NDUFA5: variants seen among roughly 807,000 people sequenced by gnomAD.
NDUFA5 encodes NADH:ubiquinone oxidoreductase subunit A5.
Under a neutral mutation model 19.8 loss-of-function variants are expected in NDUFA5, and 11 were observed. The ratio of observed to expected loss-of-function variants is 0.56; its 90% CI spans 0.35 to 0.92. The LOEUF is 0.92. Among genes scored for constraint, NDUFA5 ranks in the 40% least tolerant of loss-of-function variants. The pLI is 0.01. For synonymous variants in NDUFA5, 47 were observed against 46.8 expected, an observed-to-expected ratio of 1.00 and a Z score of -0.01; for missense variants, 109 against 134.2, an observed-to-expected ratio of 0.81 and a Z score of 0.93.
chr7:123,589,770 C>T, the NDUFA5 span, among the ~76,000 whole-genome samples: 9 of 152,192 alleles, frequency 5.9e-5, no homozygotes, highest in Admixed American at 5.9e-4. Context: ...AAGAGGGCCA[C>T]AATAAACATA....
intron 2 of NDUFA5, chr7:123,556,869 T>A (rs774631350): frequency 7.8e-6 from 4 of 513,138 alleles, no homozygotes; most frequent in Non-Finnish European, 1.5e-5. Flanking sequence ...AGAAAGAAAT[T>A]GGAGAAAATA....
the NDUFA5 span, among the ~76,000 whole-genome samples, chr7:123,574,171 A>G: frequency 1.3e-5 from 2 of 151,138 alleles, no homozygotes; most frequent in African/African-American, 2.4e-5. Flanking sequence ...CTTTTTTTAT[A>G]TAAAATTGAT....
the NDUFA5 span, among the ~76,000 whole-genome samples, chr7:123,575,751 T>C: frequency 1.3e-5 from 2 of 151,888 alleles, no homozygotes; most frequent in Non-Finnish European, 2.9e-5. Context: ...TGGAAAAATA[T>C]TTTGTTAGAT....
chr7:123,564,151 A>T, the NDUFA5 span, among the ~76,000 whole-genome samples: 9 of 152,228 alleles, frequency 5.9e-5, no homozygotes, highest in African/African-American at 2.2e-4. Flanking sequence ...TAAAACAACA[A>T]CAAGAAAAGA....
chr7:123,578,965 T>C, the NDUFA5 span, among the ~76,000 whole-genome samples: 1 of 152,062 alleles, frequency 6.6e-6, no homozygotes, highest in Admixed American at 6.6e-5. Flanking sequence ...ACATGGATAT[T>C]GTATAATGCT....
At chr7:123,554,349 G>A (rs968155598) in intron 2 of NDUFA5, among the ~76,000 whole-genome samples, 2 of 151,936 alleles carry the variant, frequency 1.3e-5, no homozygotes, top group Admixed American at 6.6e-5. Context: ...TTTAAGGCTC[G>A]CATTATGTTT....
chr7:123,584,229 T>C, the NDUFA5 span, among the ~76,000 whole-genome samples: 4 of 143,972 alleles, frequency 2.8e-5, no homozygotes, highest in Non-Finnish European at 4.5e-5. Flanking sequence ...GGAGGATCAC[T>C]GAAGCCCAGG....
At chr7:123,553,056 G>A (rs1377306885) in intron 2 of NDUFA5, among the ~76,000 whole-genome samples, 1 of 152,190 alleles carries the variant, frequency 6.6e-6, no homozygotes, top group Non-Finnish European at 1.5e-5. Flanking sequence ...GCCCCAGACA[G>A]TCGCTACCCG....
At chr7:123,551,855 TAA>T (rs1271158553) in intron 2 of NDUFA5, among the ~76,000 whole-genome samples, 5 of 152,320 alleles carry the variant, frequency 3.3e-5, no homozygotes, top group Admixed American at 6.5e-5. Flanking sequence ...GCATTTTAAT[TAA>T]GTTTTAATAT....
chr7:123,572,051 G>A, the NDUFA5 span, among the ~76,000 whole-genome samples: 2 of 149,836 alleles, frequency 1.3e-5, no homozygotes, highest in South Asian at 4.3e-4. Flanking sequence ...GTTTCCCAAA[G>A]CACTGGGTTT....
the NDUFA5 span, among the ~76,000 whole-genome samples, chr7:123,571,618 A>T: frequency 3.3e-4 from 51 of 152,372 alleles, 1 homozygote; most frequent in African/African-American, 1.2e-3. Flanking sequence ...CAAAAAATAT[A>T]AACAGTTAAG....
In NDUFA5 at chr7:123,557,653, G is replaced by C. The variant is rs762802847; in HGVS notation, c.21+122C>G. On this transcript the variant is annotated intron_variant, in intron 1 of 4. Coordinates refer to ENST00000355749, the MANE Select transcript of NDUFA5 (RefSeq NM_005000.5). The stretch of plus-strand genomic sequence containing the variant: ...CCCTACCCGGTAAGGCATGCAGAAC[G>C]AGTCCCCGAAAAGCACCGCCGAGCC... 5 of 1,613,792 alleles carry C rather than the reference G, an allele frequency of 3.1e-6. No individual in the cohort carries two copies. The East Asian group carries it at 1.1e-4, about 36-fold the overall frequency.
chr7:123,587,330 T>C, the NDUFA5 span, among the ~76,000 whole-genome samples: 82 of 151,836 alleles, frequency 5.4e-4, no homozygotes, highest in Admixed American at 1.2e-3. Context: ...TTTATTAAAA[T>C]TTATTTTTCT....
At chr7:123,548,800 T>C (rs1798227929) in intron 3 of NDUFA5, among the ~76,000 whole-genome samples, 1 of 152,080 alleles carries the variant, frequency 6.6e-6, no homozygotes, top group Non-Finnish European at 1.5e-5. Context: ...ACATAAATCC[T>C]TAAACTCAGC....
At chr7:123,582,799 C>T in the NDUFA5 span, among the ~76,000 whole-genome samples, 294 of 152,038 alleles carry the variant, frequency 1.9e-3, 2 homozygotes, top group African/African-American at 6.8e-3. Context: ...GTAAGAACTG[C>T]CTTCTTTAAC....
At position 123,537,113 on chromosome 7, in the gene NDUFA5, A is replaced by C. The variant is rs1373388613; in HGVS notation, c.*5006T>G. The C allele has an allele frequency of 6.6e-6, 1 of 152,234 alleles. No homozygotes were observed. The highest frequency in any genetic ancestry group is 1.9e-4 in the East Asian group (1 of 5,202). 9.4% of individuals were successfully genotyped at this position (152,234 alleles called of 1,614,324 possible). ...AATACCATTTTCCATTTTCCTTTTC[A>C]TGATAAATCTATGCATTTTCTCAGG... On this transcript the variant is annotated 3_prime_UTR_variant, in exon 5 of 5. Transcript: ENST00000355749.
chr7:123,577,209 T>G, the NDUFA5 span, among the ~76,000 whole-genome samples: 1 of 152,172 alleles, frequency 6.6e-6, no homozygotes, highest in African/African-American at 2.4e-5. Flanking sequence ...TATCTTCCAT[T>G]GTTGAGTTTT....
chr7:123,544,764 T>TAAAAAAAA (rs61556029), intron 4 of NDUFA5, among the ~76,000 whole-genome samples: 20 of 61,826 alleles, frequency 3.2e-4, no homozygotes, highest in African/African-American at 8.6e-4. Context: ...ATGCAAATCT[T>TAAAAAAAA]AAAAAAAAAA....
At chr7:123,542,304 TTAC>T in intron 4 of NDUFA5, 84 bp from the exon 5 acceptor site, 1 of 941,312 alleles carries the variant, frequency 1.1e-6, no homozygotes. Context: ...TAACTATTAG[TTAC>T]TACTTTCATT....
Sources: gnomAD v4.1 joint callset for allele counts (sites outside exome capture counted in the v4.1 genomes callset) on GRCh38, gnomAD v4.1.1 for gene constraint, MANE v1.5 for transcripts, NCBI Gene and HGNC (gene_info 2026-07-23, HGNC 2026-07-21) for gene names.